IQCE: variants seen among roughly 807,000 people sequenced by gnomAD.
IQCE encodes IQ domain-containing protein E.
Under a neutral mutation model 96.0 loss-of-function variants are expected in IQCE, and 115 were observed. The ratio of observed to expected loss-of-function variants is 1.20; its 90% CI spans 1.03 to 1.40. The LOEUF is 1.40. Among genes scored for constraint, IQCE ranks in the 40% most tolerant of loss-of-function variants. IQCE has a pLI of 0.00. For missense variants in IQCE, 1,041 were observed against 909.1 expected (o/e 1.15, Z -1.87); for synonymous variants, 412 against 371.2 (o/e 1.11, Z -1.26).
intron 1 of IQCE, among the ~76,000 whole-genome samples, chr7:2,562,285 C>CATATATATATAT (rs59044593): frequency 0.055 from 8,007 of 146,026 alleles, 335 homozygotes; most frequent in African/African-American, 0.11. Context: ...AATTAGGGTA[C>CATATATATATAT]ATATATATAT....
chr7:2,604,046 T>C (rs1784620825), intron 18 of IQCE, among the ~76,000 whole-genome samples: 1 of 150,422 alleles, frequency 6.6e-6, no homozygotes, highest in Admixed American at 6.6e-5. Flanking sequence ...TGGAGTGCAG[T>C]GGCCCAATCT....
chr7:2,589,007 G>T (rs1439761496), intron 13 of IQCE, among the ~76,000 whole-genome samples: 1 of 152,060 alleles, frequency 6.6e-6, no homozygotes, highest in African/African-American at 2.4e-5. Flanking sequence ...CATCTGTGTT[G>T]TTTGGCCAAG....
chr7:2,582,992 G>A (rs1562645192), intron 9 of IQCE, among the ~76,000 whole-genome samples: 1 of 152,118 alleles, frequency 6.6e-6, no homozygotes, highest in Non-Finnish European at 1.5e-5. Context: ...ACTTTCGAGT[G>A]CGAAGGGAGA....
Position 2,612,420 on chromosome 7 carries a change from G to A in IQCE, c.*2258G>A, listed in dbSNP as rs1478617177. The A allele has an allele frequency of 6.6e-6, 1 of 152,412 alleles. No homozygotes were observed. Among genetic ancestry groups the A allele is most frequent in the African/African-American group, 2.4e-5 (1 of 41,466 alleles). The allele number at this position is 152,412 out of a possible 1,614,324, so 9.4% of individuals were successfully genotyped here. A position where few individuals can be genotyped will look rare whatever the true frequency, so the allele number is the denominator to read the frequency against. ...CTGCAGTGTGGTTTTGTTCCATGGAGACAGTACCAAGCGGAGAGGCCTCCT... is the reference window on the plus strand; with the variant it reads ...CTGCAGTGTGGTTTTGTTCCATGGAAACAGTACCAAGCGGAGAGGCCTCCT... On this transcript the variant is annotated 3_prime_UTR_variant, in exon 22 of 22. Coordinates refer to ENST00000402050, the MANE Select transcript of IQCE (RefSeq NM_152558.5).
intron 17 of IQCE, among the ~76,000 whole-genome samples, chr7:2,599,378 TAG>T (rs1352235650): frequency 6.6e-6 from 1 of 152,028 alleles, no homozygotes; most frequent in African/African-American, 2.4e-5. Flanking sequence ...GTATTTTTGG[TAG>T]AGACAGGATT....
At chr7:2,563,146 G>A (rs1781093946) in intron 1 of IQCE, among the ~76,000 whole-genome samples, 1 of 152,022 alleles carries the variant, frequency 6.6e-6, no homozygotes, top group African/African-American at 2.4e-5. Flanking sequence ...GGCTGGTCTC[G>A]AACTTCTGGG....
Position 2,586,310 on chromosome 7 carries a change from G to C in IQCE, c.927G>C (p.Gln309His). The part of the protein sequence containing the change: ...RSVQELTEEN[Q>H]SLKEDLDRVL... Reference sequence around the variant, plus strand: ...TCCAGGAGCTCACGGAAGAGAACCAGAGCCTGAAGGAGGACCTGGACCGCG... The same window carrying C: ...TCCAGGAGCTCACGGAAGAGAACCACAGCCTGAAGGAGGACCTGGACCGCG... The change falls in exon 12 of 22, where the codon CAG (glutamine) becomes CAC (histidine). Residue 309 changes from glutamine (Q) to histidine (H), a missense_variant. Gln to His is a conservative substitution (Grantham distance 24). Coordinates refer to ENST00000402050, the MANE Select transcript of IQCE (RefSeq NM_152558.5). 1 of 1,614,000 alleles carries C rather than the reference G, an allele frequency of 6.2e-7. No individual in the cohort carries two copies. Among genetic ancestry groups the C allele is most frequent in the Non-Finnish European group, 8.5e-7 (1 of 1,179,950 alleles).
intron 13 of IQCE, among the ~76,000 whole-genome samples, chr7:2,588,420 C>A (rs566565149): frequency 1.3e-5 from 2 of 150,494 alleles, no homozygotes; most frequent in Non-Finnish European, 2.9e-5. Context: ...GTGGCGCGAT[C>A]TCAGGTCACG....
Position 2,571,547 on chromosome 7 carries a change from C to A in IQCE, c.152C>A (p.Pro51Gln). 6.2e-7 allele frequency: 1 copy of A among 1,606,326 alleles called. No individual in the cohort carries two copies. Among genetic ancestry groups the A allele is most frequent in the Non-Finnish European group, 8.5e-7 (1 of 1,179,974 alleles). Reference sequence around the variant, plus strand: ...CCAGAGTCACCTTATCTCTCTAAGCCGAGAAAAGTGGCCTCCTGGAGGTCC... The same window carrying A: ...CCAGAGTCACCTTATCTCTCTAAGCAGAGAAAAGTGGCCTCCTGGAGGTCC... Reference protein sequence around the residue: ...TSPKSPYLSKPRKVASWRSLR... With the variant: ...TSPKSPYLSKQRKVASWRSLR... The change falls in exon 4 of 22, where the codon CCG (proline) becomes CAG (glutamine). Residue 51 changes from proline (P) to glutamine (Q), a missense_variant. Transcript: ENST00000402050.
At chr7:2,566,175 A>C (rs1333633881) in intron 1 of IQCE, among the ~76,000 whole-genome samples, 1 of 152,134 alleles carries the variant, frequency 6.6e-6, no homozygotes, top group Non-Finnish European at 1.5e-5. Flanking sequence ...CAGTGTCCGC[A>C]TTGGAAAGCA....
chr7:2,594,633 C>T (rs1783876786), intron 15 of IQCE, among the ~76,000 whole-genome samples: 1 of 152,240 alleles, frequency 6.6e-6, no homozygotes, highest in Non-Finnish European at 1.5e-5. Flanking sequence ...CCCTGGGGGT[C>T]CTCAGCCACG....
Position 2,607,266 on chromosome 7 carries a change from G to A in IQCE, c.1969+39G>A, listed in dbSNP as rs764827183. ...TTTGGATTCTGGCACCAGGGCAGCT[G>A]GTCTGCTGAGGTCTCAGCCAAAGAG... On this transcript the variant is annotated intron_variant, in intron 21 of 21. Coordinates refer to ENST00000402050, the MANE Select transcript of IQCE (RefSeq NM_152558.5). 6.8e-6 allele frequency: 11 copies of A among 1,612,656 alleles called. No homozygotes were observed. In the Admixed American group the frequency reaches 1.8e-4, roughly 27 times the overall value.
At chr7:2,583,092 C>T (rs929519630) in intron 9 of IQCE, among the ~76,000 whole-genome samples, 5 of 152,132 alleles carry the variant, frequency 3.3e-5, no homozygotes, top group African/African-American at 1.2e-4. Context: ...ATAGTTCCCC[C>T]CTCGTTTCCT....
intron 21 of IQCE, among the ~76,000 whole-genome samples, chr7:2,609,311 C>CTTT (rs58620813): frequency 4.3e-5 from 6 of 139,894 alleles, no homozygotes; most frequent in African/African-American, 1.6e-4. Flanking sequence ...GGGAAGTTGG[C>CTTT]TTTTTTTTTT....
At chr7:2,585,188 C>G (rs759125437) in intron 11 of IQCE, among the ~76,000 whole-genome samples, 15 of 151,662 alleles carry the variant, frequency 9.9e-5, no homozygotes, top group Non-Finnish European at 1.3e-4. Context: ...CAGGCACATG[C>G]CACCACACCC....
chr7:2,584,340 C>G (rs140644160), intron 11 of IQCE, 55 bp downstream of exon 11: 1 of 1,538,290 alleles, frequency 6.5e-7, no homozygotes, highest in Non-Finnish European at 9.0e-7. Flanking sequence ...GTTGTGGAAG[C>G]TCCTCTGAGA....
intron 14 of IQCE, among the ~76,000 whole-genome samples, chr7:2,591,982 TCGGCCTCC>T (rs1783629603): frequency 1.0e-5 from 1 of 100,408 alleles, no homozygotes; most frequent in Non-Finnish European, 2.0e-5. Flanking sequence ...CGGGCCTGCC[TCGGCCTCC>T]CAAAGTGCTG....
rs561825758 is a variant in IQCE, at chr7:2,585,031, G to A, written c.824+746G>A. ...CCAATGGGAGGTACAGGGCTCCTGCGAGCTTCTGCTCATAACATTTTTTTT... is the reference window on the plus strand; with the variant it reads ...CCAATGGGAGGTACAGGGCTCCTGCAAGCTTCTGCTCATAACATTTTTTTT... On this transcript the variant is annotated intron_variant, in intron 11 of 21. Transcript: ENST00000402050. Among the ~76,000 whole-genome samples, 31 of 151,242 alleles carry A rather than the reference G, an allele frequency of 2.0e-4. 1 individual carries two copies. The highest frequency in any genetic ancestry group is 7.0e-4 in the African/African-American group (29 of 41,270).
In IQCE at chr7:2,595,982, C is replaced by T. The variant is rs373753847; in HGVS notation, c.1440+1006C>T. On this transcript the variant is annotated intron_variant, in intron 16 of 21. Coordinates refer to ENST00000402050, the MANE Select transcript of IQCE (RefSeq NM_152558.5). ...TTCTGGTGGTAGAAGGGCGTCCTCA[C>T]AAATCCCCTTCCAGTGGGTAGGAGG... is the stretch of plus-strand genomic sequence containing the variant. Among the ~76,000 whole-genome samples, 10 of 152,376 alleles carry T rather than the reference C, an allele frequency of 6.6e-5. No homozygotes were observed. The East Asian group carries it at 1.9e-3, about 29-fold the overall frequency.
Sources: allele counts gnomAD v4.1 joint callset (sites outside exome capture counted in the v4.1 genomes callset), GRCh38; gene constraint gnomAD v4.1.1; transcripts MANE v1.5; gene names NCBI Gene and HGNC (gene_info 2026-07-23, HGNC 2026-07-21).